Variants in SLC22A24 observed in about 807,000 individuals in gnomAD.
SLC22A24 encodes solute carrier family 22 member 24, also known as steroid transmembrane transporter SLC22A24.
SLC22A24 carries 53 observed loss-of-function variants against 49.8 expected under a neutral mutation model. The observed-to-expected ratio is 1.06, with a 90% CI of 0.85 to 1.34. The LOEUF (loss-of-function observed/expected upper bound fraction) is 1.34. Ranked by LOEUF, SLC22A24 falls within the 40% of genes most tolerant of loss-of-function variation. The pLI is 0.00. For synonymous variants in SLC22A24, 302 were observed against 256.4 expected (o/e 1.18, Z -1.70); for missense variants, 786 against 675.9 (o/e 1.16, Z -1.81).
rs1209565216 is a variant in SLC22A24 at position 63,113,199 on chromosome 11, T to TAC, written c.830+5712_830+5713insGT. On this transcript the variant is annotated intron_variant, in intron 4 of 9. Transcript: ENST00000612278. The stretch of plus-strand genomic sequence containing the variant: ...ATACATATATATATACACATATATA[T>TAC]ATACATATATATACACATATATATA... Among the ~76,000 whole-genome samples the TAC allele has an allele frequency of 7.9e-3, 46 of 5,840 alleles. 10 individuals are homozygous for TAC. The highest frequency in any genetic ancestry group is 0.015 in the African/African-American group (46 of 2,978). The allele number at this position is 5,840 out of a possible 152,430, so 3.8% of individuals were successfully genotyped here. A position where few individuals can be genotyped will look rare whatever the true frequency, so the allele number is the denominator to read the frequency against.
chr11:63,102,813 C>T (rs553026820), intron 5 of SLC22A24, among the ~76,000 whole-genome samples: 1 of 152,226 alleles, frequency 6.6e-6, no homozygotes, highest in East Asian at 1.9e-4. Flanking sequence ...CTAACGTTTG[C>T]CTGGCTGCAC....
At chr11:63,084,658 C>A (rs1391034093) in intron 6 of SLC22A24, among the ~76,000 whole-genome samples, 1 of 152,122 alleles carries the variant, frequency 6.6e-6, no homozygotes, top group Non-Finnish European at 1.5e-5. Context: ...CCAACAGTTA[C>A]CAATGCCCGA....
intron 4 of SLC22A24, among the ~76,000 whole-genome samples, chr11:63,112,821 G>A (rs1004788301): frequency 6.6e-6 from 1 of 151,140 alleles, no homozygotes; most frequent in Admixed American, 6.6e-5. Flanking sequence ...AGACCATCGT[G>A]GCTAATATGG....
chr11:63,137,879 G>T (rs2087386803), intron 1 of SLC22A24: 1 of 152,160 alleles, frequency 6.6e-6, no homozygotes, highest in Non-Finnish European at 1.5e-5. Flanking sequence ...AGCAAAAAGG[G>T]TAAGAAATTC....
chr11:63,141,382 G>T (rs2087414735), intron 1 of SLC22A24, among the ~76,000 whole-genome samples: 1 of 152,286 alleles, frequency 6.6e-6, no homozygotes, highest in African/African-American at 2.4e-5. Context: ...TATCTTCGTT[G>T]GGTTTTGTTT....
intron 2 of SLC22A24, among the ~76,000 whole-genome samples, chr11:63,122,497 G>C (rs572044119): frequency 6.6e-6 from 1 of 152,248 alleles, no homozygotes; most frequent in Admixed American, 6.5e-5. Context: ...AACAGAGAAG[G>C]TTTATGTGCA....
intron 2 of SLC22A24, among the ~76,000 whole-genome samples, chr11:63,125,045 T>G (rs994271652): frequency 3.9e-5 from 6 of 152,120 alleles, no homozygotes; most frequent in African/African-American, 1.2e-4. Flanking sequence ...ATGGCACATG[T>G]ATACATATGT....
intron 2 of SLC22A24, among the ~76,000 whole-genome samples, chr11:63,130,081 T>A (rs941894460): frequency 6.6e-6 from 1 of 152,250 alleles, no homozygotes; most frequent in Non-Finnish European, 1.5e-5. Context: ...CTTCCAGTTT[T>A]TGCCCATTCA....
intron 5 of SLC22A24, among the ~76,000 whole-genome samples, chr11:63,099,880 T>G (rs1234885869): frequency 6.6e-6 from 1 of 152,048 alleles, no homozygotes; most frequent in Non-Finnish European, 1.5e-5. Context: ...CAACTTCCCT[T>G]CATGATAAAA....
intron 6 of SLC22A24, among the ~76,000 whole-genome samples, chr11:63,085,350 A>AACC (rs2086981322): frequency 6.6e-6 from 1 of 152,188 alleles, no homozygotes; most frequent in African/African-American, 2.4e-5. Context: ...GAAGGCCTCC[A>AACC]TTATCTTGGT....
intron 6 of SLC22A24, among the ~76,000 whole-genome samples, chr11:63,091,403 T>C (rs2087019762): frequency 6.6e-6 from 1 of 152,114 alleles, no homozygotes; most frequent in African/African-American, 2.4e-5. Context: ...TAACTAATTT[T>C]ATGAGGCCAG....
intron 4 of SLC22A24, among the ~76,000 whole-genome samples, chr11:63,115,711 G>A (rs2087207818): frequency 6.6e-6 from 1 of 151,946 alleles, no homozygotes; most frequent in Non-Finnish European, 1.5e-5. Flanking sequence ...GGAAGACCCG[G>A]TTTTGTTTTT....
chr11:63,104,377 C>A, intron 4 of SLC22A24, 79 bp from the exon 5 acceptor site: 1 of 1,414,688 alleles, frequency 7.1e-7, no homozygotes. Flanking sequence ...TTCCTTTCCC[C>A]TTTGATTTAA....
chr11:63,110,822 T>G (rs1181523083), intron 4 of SLC22A24, among the ~76,000 whole-genome samples: 1 of 142,978 alleles, frequency 7.0e-6, no homozygotes, highest in Non-Finnish European at 1.5e-5. Context: ...CCTCTTTTCC[T>G]AATTGAATAC....
chr11:63,080,114 C>A lies in SLC22A24; in HGVS notation c.1599-114G>T. 6.3e-6 allele frequency: 4 copies of A among 638,118 alleles called. No homozygotes were observed. The Admixed American group carries it at 7.9e-5, about 13-fold the overall frequency. The allele number at this position is 638,118 out of a possible 1,614,324, so 39.5% of individuals were successfully genotyped here. A position where few individuals can be genotyped will look rare whatever the true frequency, so the allele number is the denominator to read the frequency against. On this transcript the variant is annotated intron_variant, in intron 9 of 9. Transcript: ENST00000612278. Reference sequence around the variant, plus strand: ...GGACAAGCTGCCCTCTACCCACCAGCATTGTAATCCAAGATTCTCTAGATA... The same window carrying A: ...GGACAAGCTGCCCTCTACCCACCAGAATTGTAATCCAAGATTCTCTAGATA...
At chr11:63,116,529 T>A (rs968584898) in intron 4 of SLC22A24, among the ~76,000 whole-genome samples, 7 of 152,314 alleles carry the variant, frequency 4.6e-5, no homozygotes, top group Middle Eastern at 3.4e-3. Context: ...GTTTTAAAAA[T>A]CTTTCTTTGG....
At chr11:63,124,311 AAGAC>A (rs1394260067) in intron 2 of SLC22A24, among the ~76,000 whole-genome samples, 3 of 152,154 alleles carry the variant, frequency 2.0e-5, no homozygotes, top group Non-Finnish European at 4.4e-5. Flanking sequence ...GGGGGGAAGA[AAGAC>A]AGAAAAAACT....
Position 63,110,354 on chromosome 11 carries a change from G to A in SLC22A24, c.831-6056C>T, listed in dbSNP as rs1337039809. On this transcript the variant is annotated intron_variant, in intron 4 of 9. Transcript: ENST00000612278. Reference sequence around the variant, plus strand: ...GGGCTCTTTTTTGGTTCCATATGAAGTTTAAAGTAGTTTTTTCCAATTGTG... The same window carrying A: ...GGGCTCTTTTTTGGTTCCATATGAAATTTAAAGTAGTTTTTTCCAATTGTG... Among the ~76,000 whole-genome samples, 5 of 152,120 alleles carry A rather than the reference G, an allele frequency of 3.3e-5. No individual in the cohort carries two copies. The South Asian group carries it at 1.0e-3, about 32-fold the overall frequency.
chr11:63,088,912 A>G (rs996930139), intron 6 of SLC22A24, among the ~76,000 whole-genome samples: 1 of 152,150 alleles, frequency 6.6e-6, no homozygotes, highest in African/African-American at 2.4e-5. Flanking sequence ...AGCCTCCAAG[A>G]AACATGAGAC....
Sources: gnomAD v4.1 joint callset for allele counts (sites outside exome capture counted in the v4.1 genomes callset) on GRCh38, gnomAD v4.1.1 for gene constraint, MANE v1.5 for transcripts, NCBI Gene and HGNC (gene_info 2026-07-23, HGNC 2026-07-21) for gene names.